Variants in POF1B observed in about 807,000 individuals in gnomAD.
POF1B encodes the protein POF1B actin binding protein, also known as protein POF1B.
A neutral mutation model predicts 55.3 loss-of-function variants in POF1B; 53 were observed. The observed-to-expected ratio is 0.96, with a 90% confidence interval of 0.77 to 1.20. POF1B has a LOEUF of 1.20. Ranked by LOEUF, POF1B falls within the 50% of genes most tolerant of loss-of-function variation. POF1B has a pLI of 0.00. For synonymous variants in POF1B, 188 were observed against 148.3 expected (o/e 1.27, Z -1.95); for missense variants, 478 against 420.5 (o/e 1.14, Z -1.20).
At chrX:85,327,129 T>C (rs1381062424) in intron 7 of POF1B, among the ~76,000 whole-genome samples, 1 of 109,992 alleles carries the variant, frequency 9.1e-6, no homozygotes, top group African/African-American at 3.3e-5. Context: ...TAAGCATCTC[T>C]CCCTGCCAAC....
intron 3 of POF1B, among the ~76,000 whole-genome samples, chrX:85,363,164 C>A (rs1933656725): frequency 9.0e-6 from 1 of 111,189 alleles, no homozygotes; most frequent in African/African-American, 3.3e-5. Flanking sequence ...TAGCCAGCAG[C>A]ATATCTGCCT....
At chrX:85,356,920 G>T (rs187944488) in intron 4 of POF1B, among the ~76,000 whole-genome samples, 1 of 111,478 alleles carries the variant, frequency 9.0e-6, no homozygotes, top group Admixed American at 9.5e-5. Context: ...CTTGGTGGAA[G>T]AAACTTTTTT....
At chrX:85,321,734 C>T (rs1403064248) in intron 7 of POF1B, among the ~76,000 whole-genome samples, 1 of 100,488 alleles carries the variant, frequency 1.0e-5, no homozygotes, top group African/African-American at 4.1e-5. Flanking sequence ...TGATAAGCAA[C>T]TTCAGCAAAG....
intron 9 of POF1B, among the ~76,000 whole-genome samples, chrX:85,313,907 T>C (rs1932759004): frequency 9.0e-6 from 1 of 111,093 alleles, no homozygotes; most frequent in Admixed American, 9.7e-5. Context: ...TTCAACTTCT[T>C]CCTGGTTTAG....
At chrX:85,335,687 A>AT (rs1041538014) in intron 6 of POF1B, among the ~76,000 whole-genome samples, 1 of 110,336 alleles carries the variant, frequency 9.1e-6, no homozygotes, top group Non-Finnish European at 1.9e-5. Context: ...TATCTTTTAT[A>AT]TTTTTTTCTT....
chrX:85,349,419 G>A (rs967743967), intron 5 of POF1B, among the ~76,000 whole-genome samples: 4 of 111,134 alleles, frequency 3.6e-5, no homozygotes, highest in Non-Finnish European at 5.7e-5. Context: ...GGGTCGAATT[G>A]TACCCTCTCA....
At chrX:85,341,498 A>G (rs969335222) in intron 6 of POF1B, among the ~76,000 whole-genome samples, 2 of 111,556 alleles carry the variant, frequency 1.8e-5, no homozygotes, top group African/African-American at 6.5e-5. Flanking sequence ...AAGGTTTCAT[A>G]GTAAGAGGTT....
Position 85,306,284 on chromosome X carries a change from T to A in POF1B, c.1214A>T (p.Asn405Ile). 8.3e-7 allele frequency: 1 copy of A among 1,209,284 alleles called. No individual in the cohort carries two copies. Among genetic ancestry groups the A allele is most frequent in the Non-Finnish European group, 1.1e-6 (1 of 893,652 alleles). ...TGATAGTGTATGTCGAAGAGAGAGA[T>A]TGTTTTCTTCCAATGCCTGGCATTT... ...SSKCQALEEN[N>I]LSLRHTLSDM... Residue 405 changes from asparagine to isoleucine, a missense_variant, in exon 12 of 17, where the codon AAT becomes ATT. Physicochemically the swap from Asn to Ile is moderately radical, Grantham distance 149. Coordinates refer to ENST00000262753, the MANE Select transcript of POF1B (RefSeq NM_024921.4).
At chrX:85,284,686 C>T (rs1293432172) in intron 15 of POF1B, among the ~76,000 whole-genome samples, 2 of 111,534 alleles carry the variant, frequency 1.8e-5, no homozygotes, top group Non-Finnish European at 3.8e-5. Flanking sequence ...AATGTTAGAC[C>T]TAAAACCATA....
At chrX:85,291,318 G>A (rs1430121881) in intron 15 of POF1B, among the ~76,000 whole-genome samples, 1 of 111,719 alleles carries the variant, frequency 9.0e-6, no homozygotes, top group Non-Finnish European at 1.9e-5. Flanking sequence ...CCAGTACCAT[G>A]CTGTTTTGGT....
intron 15 of POF1B, among the ~76,000 whole-genome samples, chrX:85,285,269 A>C (rs1932022391): frequency 9.0e-6 from 1 of 111,319 alleles, no homozygotes; most frequent in Non-Finnish European, 1.9e-5. Context: ...TAGAACTAGA[A>C]ATACCATTTG....
intron 15 of POF1B, among the ~76,000 whole-genome samples, chrX:85,284,877 G>T (rs1316535077): frequency 1.8e-5 from 2 of 111,750 alleles, no homozygotes; most frequent in Admixed American, 9.5e-5. Context: ...GCAACCTACA[G>T]AATGGGAGAA....
chrX:85,352,410 A>G (rs1001590666), intron 4 of POF1B, among the ~76,000 whole-genome samples: 2 of 111,513 alleles, frequency 1.8e-5, no homozygotes, highest in Non-Finnish European at 3.8e-5. Flanking sequence ...ATGTACTAGG[A>G]TTTTTGTAGT....
At chrX:85,374,117 A>G (rs746913474) in intron 2 of POF1B, among the ~76,000 whole-genome samples, 1 of 111,417 alleles carries the variant, frequency 9.0e-6, no homozygotes, top group Non-Finnish European at 1.9e-5. Context: ...TCTAGAGAAC[A>G]TATTCTTAGG....
At position 85,366,100 on chromosome X, in the gene POF1B, A is replaced by G. The variant is rs561362193; in HGVS notation, c.357+1592T>C. Among the ~76,000 whole-genome samples the G allele has an allele frequency of 1.1e-3, 129 of 112,317 alleles. 2 individuals carry two copies. In the South Asian group the frequency reaches 0.045, roughly 40 times the overall value. ...GCAAATGGTTAATAAACTTAACAAA[A>G]AGTGTTCAGCCAAACTAGGAATCAA... is the stretch of plus-strand genomic sequence containing the variant. On this transcript the variant is annotated intron_variant, in intron 3 of 16. Coordinates refer to ENST00000262753, the MANE Select transcript of POF1B (RefSeq NM_024921.4).
rs1344057690 is a variant in POF1B, at chrX:85,337,921, G to A, written c.724-6842C>T. On this transcript the variant is annotated intron_variant, in intron 6 of 16. Coordinates refer to ENST00000262753, the MANE Select transcript of POF1B (RefSeq NM_024921.4). ...AAATTAAATGGGGGGGAAGTGCTCA[G>A]TAAATTGTTAAACAATTGTGCAAAT... Among the ~76,000 whole-genome samples the A allele has an allele frequency of 3.6e-5, 4 of 111,451 alleles. No homozygotes were observed. The East Asian group carries it at 1.1e-3, about 32-fold the overall frequency.
At chrX:85,343,083 A>C (rs898683196) in intron 6 of POF1B, among the ~76,000 whole-genome samples, 2 of 109,741 alleles carry the variant, frequency 1.8e-5, no homozygotes, top group Non-Finnish European at 3.8e-5. Flanking sequence ...AGAAATACCT[A>C]ATGTAGATGA....
intron 3 of POF1B, 84 bp downstream of exon 3, chrX:85,367,608 G>A (rs1168308035): frequency 3.1e-6 from 2 of 647,486 alleles, no homozygotes; most frequent in African/African-American, 4.5e-5. Flanking sequence ...GTCTTATGGG[G>A]GTCTAAAGAT....
chrX:85,345,793 A>T lies in POF1B; in HGVS notation c.723+67T>A, dbSNP rs754461143. The T allele has an allele frequency of 1.3e-5, 13 of 963,930 alleles. No homozygotes were observed. The Admixed American group carries it at 3.7e-4, about 28-fold the overall frequency. 79.4% of individuals were successfully genotyped at this position (963,930 alleles called of 1,213,427 possible). On this transcript the variant is annotated intron_variant, in intron 6 of 16. Coordinates refer to ENST00000262753, the MANE Select transcript of POF1B (RefSeq NM_024921.4). Reference sequence around the variant, plus strand: ...ATGAAAATTTAATGGGAGCACCTGCATAGTGGTATGAGAAGAGTTCAAGAA... The same window carrying T: ...ATGAAAATTTAATGGGAGCACCTGCTTAGTGGTATGAGAAGAGTTCAAGAA...
Sources: gnomAD v4.1 joint callset for allele counts (sites outside exome capture counted in the v4.1 genomes callset) on GRCh38, gnomAD v4.1.1 for gene constraint, MANE v1.5 for transcripts, NCBI Gene and HGNC (gene_info 2026-07-23, HGNC 2026-07-21) for gene names.